Variants in LRP1B observed in about 807,000 individuals in gnomAD.
The protein encoded by LRP1B is low-density lipoprotein receptor-related protein 1B.
LRP1B carries 217 observed loss-of-function variants against 556.6 expected under a neutral mutation model. That is an observed-to-expected ratio of 0.39 (90% CI 0.35 to 0.44). The LOEUF (loss-of-function observed/expected upper bound fraction) is 0.44. LRP1B is among the 20% of genes least tolerant of loss of function. LRP1B has a pLI of 1.00. For missense variants in LRP1B, 5,053 were observed against 5,620.8 expected (o/e 0.90, Z 3.23); for synonymous variants, 2,047 against 1,865.8 (o/e 1.10, Z -2.50).
chr2:140,843,341 C>T (rs1377074203), intron 29 of LRP1B, among the ~76,000 whole-genome samples: 2 of 151,970 alleles, frequency 1.3e-5, no homozygotes, highest in Non-Finnish European at 1.5e-5. Context: ...ATTTCCTCCT[C>T]TAAGCAATTG....
intron 2 of LRP1B, among the ~76,000 whole-genome samples, chr2:141,669,004 C>T (rs1397337990): frequency 6.6e-6 from 1 of 152,160 alleles, no homozygotes; most frequent in African/African-American, 2.4e-5. Flanking sequence ...GGTCAAGGAA[C>T]TCTGCTGTTT....
Position 141,892,281 on chromosome 2 carries a change from C to A in LRP1B, c.83-81880G>T, listed in dbSNP as rs189593065. ...AATATATTAAAAATTATATTAAATG[C>A]ATATTTGGGATCCAATATTTCATCC... On this transcript the variant is annotated intron_variant, in intron 1 of 90. Transcript: ENST00000389484. Among the ~76,000 whole-genome samples, 369 of 151,708 alleles carry A rather than the reference C, an allele frequency of 2.4e-3. 3 individuals are homozygous for A. Among genetic ancestry groups the A allele is most frequent in the African/African-American group, 8.7e-3 (360 of 41,436 alleles).
intron 3 of LRP1B, among the ~76,000 whole-genome samples, chr2:141,294,912 CTTG>C (rs889401310): frequency 1.8e-4 from 28 of 151,898 alleles, no homozygotes; most frequent in African/African-American, 6.3e-4. Context: ...TAAAAAATTG[CTTG>C]TTATTTATTT....
At chr2:140,562,898 G>A (rs1277453125) in intron 43 of LRP1B, among the ~76,000 whole-genome samples, 1 of 152,034 alleles carries the variant, frequency 6.6e-6, no homozygotes, top group African/African-American at 2.4e-5. Context: ...TTACAAGCAT[G>A]AGCCACCATG....
At chr2:140,776,077 A>T (rs78669171) in intron 33 of LRP1B, 21 bp downstream of exon 33, 58,068 of 1,525,092 alleles carry the variant, frequency 0.038, 1,568 homozygotes, top group Admixed American at 0.14. Context: ...GACCTGGCAC[A>T]AATTCATTAG....
chr2:140,333,358 T>C (rs554511844), intron 79 of LRP1B, among the ~76,000 whole-genome samples: 1 of 152,194 alleles, frequency 6.6e-6, no homozygotes, highest in South Asian at 2.1e-4. Context: ...TTCTATCCTC[T>C]ATAGGAAGAT....
chr2:140,810,243 T>A (rs1337411109), intron 32 of LRP1B, among the ~76,000 whole-genome samples: 2 of 152,154 alleles, frequency 1.3e-5, no homozygotes, highest in Non-Finnish European at 2.9e-5. Context: ...ACTCTTAAAT[T>A]TTTTAGTGAA....
intron 1 of LRP1B, among the ~76,000 whole-genome samples, chr2:142,059,720 T>G (rs915376461): frequency 7.9e-5 from 12 of 152,098 alleles, no homozygotes; most frequent in Non-Finnish European, 1.5e-4. Context: ...ATGACTGCCT[T>G]ATTTTTATTT....
At chr2:140,291,316 A>AT (rs946522615) in intron 84 of LRP1B, among the ~76,000 whole-genome samples, 1 of 68,754 alleles carries the variant, frequency 1.5e-5, no homozygotes, top group African/African-American at 4.8e-5. Context: ...ATATATATAT[A>AT]TATTTTTATT....
intron 83 of LRP1B, among the ~76,000 whole-genome samples, chr2:140,313,041 A>T (rs1255803841): frequency 2.0e-5 from 3 of 151,968 alleles, no homozygotes; most frequent in Non-Finnish European, 4.4e-5. Flanking sequence ...GCTCACTGGG[A>T]TTTGTTTAAC....
intron 11 of LRP1B, among the ~76,000 whole-genome samples, chr2:141,039,984 T>C (rs1184361016): frequency 6.6e-6 from 1 of 152,138 alleles, no homozygotes; most frequent in Non-Finnish European, 1.5e-5. Context: ...AAATGTCTTA[T>C]TCACTGTCAA....
At chr2:141,146,938 C>G (rs1458161421) in intron 7 of LRP1B, among the ~76,000 whole-genome samples, 1 of 152,128 alleles carries the variant, frequency 6.6e-6, no homozygotes, top group Admixed American at 6.6e-5. Context: ...ATCCTTTGTT[C>G]TGTTCTGTTC....
In LRP1B at chr2:142,118,641, G is replaced by A. The variant is rs138577259; in HGVS notation, c.82+12007C>T. Among the ~76,000 whole-genome samples the A allele has an allele frequency of 7.5e-3, 1,143 of 152,246 alleles. 19 individuals carry two copies. The highest frequency in any genetic ancestry group is 0.026 in the African/African-American group (1,072 of 41,540). ...AAAAAGCCCTTCAGCAGACTTTGGT[G>A]TGATATGAGCAGAGTTCCAGTCAGG... On this transcript the variant is annotated intron_variant, in intron 1 of 90. Transcript: ENST00000389484.
chr2:141,543,747 A>AC (rs1013794170), intron 2 of LRP1B, among the ~76,000 whole-genome samples: 3 of 151,614 alleles, frequency 2.0e-5, no homozygotes, highest in African/African-American at 4.8e-5. Context: ...GAAAAAAAAA[A>AC]CAAATACACA....
At chr2:141,449,273 A>C (rs531693201) in intron 3 of LRP1B, among the ~76,000 whole-genome samples, 1 of 152,196 alleles carries the variant, frequency 6.6e-6, no homozygotes, top group Non-Finnish European at 1.5e-5. Flanking sequence ...GACATCTTCC[A>C]GCATGTAATT....
chr2:141,548,209 G>T (rs548016206), intron 2 of LRP1B, among the ~76,000 whole-genome samples: 1 of 152,228 alleles, frequency 6.6e-6, no homozygotes, highest in African/African-American at 2.4e-5. Flanking sequence ...AACTTGAAGG[G>T]TATTATGAGA....
rs1299288053 is a variant in LRP1B, at chr2:141,807,282, T to TAGAAAAA, written c.205+2996_205+2997insTTTTTCT. On this transcript the variant is annotated intron_variant, in intron 2 of 90. Coordinates refer to ENST00000389484, the MANE Select transcript of LRP1B (RefSeq NM_018557.3). ...ATTTTCATAACGCTTTTTTTTTCTA[T>TAGAAAAA]GCATGTCCAAATTTCAATTGGTATT... 2.0e-4 allele frequency among the ~76,000 whole-genome samples: 30 copies of TAGAAAAA among 152,068 alleles called. 1 individual carries two copies. Among genetic ancestry groups the TAGAAAAA allele is most frequent in the Admixed American group, 1.0e-3 (16 of 15,252 alleles).
At chr2:140,310,123 C>A (rs1684235823) in intron 83 of LRP1B, among the ~76,000 whole-genome samples, 1 of 151,720 alleles carries the variant, frequency 6.6e-6, no homozygotes, top group African/African-American at 2.4e-5. Flanking sequence ...TCCTCCTCTG[C>A]TTTCTGCTCC....
At chr2:141,909,830 G>A (rs1419279677) in intron 1 of LRP1B, among the ~76,000 whole-genome samples, 1 of 151,910 alleles carries the variant, frequency 6.6e-6, no homozygotes, top group Admixed American at 6.6e-5. Context: ...CATATACATA[G>A]TAGACACTGA....
Sources: gnomAD v4.1 joint callset for allele counts (sites outside exome capture counted in the v4.1 genomes callset) on GRCh38, gnomAD v4.1.1 for gene constraint, MANE v1.5 for transcripts, NCBI Gene and HGNC (gene_info 2026-07-23, HGNC 2026-07-21) for gene names.